TERB1: variants seen among roughly 807,000 people sequenced by gnomAD.
The protein encoded by TERB1 is telomere repeats-binding bouquet formation protein 1.
TERB1 carries 63 observed loss-of-function variants against 92.3 expected under a neutral mutation model. The ratio of observed to expected loss-of-function variants is 0.68; its 90% confidence interval spans 0.56 to 0.84. The LOEUF (loss-of-function observed/expected upper bound fraction) is 0.84, where lower values mean the gene tolerates loss of function less well. Ranked by LOEUF, TERB1 falls within the 40% of genes least tolerant of loss-of-function variation. The pLI is 0.00. For missense variants in TERB1, 709 were observed against 843.7 expected, an observed-to-expected ratio of 0.84 and a Z score of 1.98; for synonymous variants, 252 against 283.9, an observed-to-expected ratio of 0.89 and a Z score of 1.13.
chr16:66,755,540 T>C (rs1327934155), intron 18 of TERB1, among the ~76,000 whole-genome samples: 1 of 152,194 alleles, frequency 6.6e-6, no homozygotes, highest in Non-Finnish European at 1.5e-5. Context: ...TTTGGGAGGC[T>C]GAGGAAGGTG....
rs954232874 is a variant in TERB1 at position 66,786,410 on chromosome 16, CAT to C, written c.401-127_401-126del. The C allele has an allele frequency of 1.2e-4, 79 of 677,180 alleles. No individual in the cohort carries two copies. In the Admixed American group the frequency reaches 2.1e-3, roughly 18 times the overall value. The allele number at this position is 677,180 out of a possible 1,614,324, so 41.9% of individuals were successfully genotyped here. ...AACTTTAAAGTATTACAAAGTATAACATAGAATTACGGTGGATAAAAATCTGC... is the reference window on the plus strand; with the variant it reads ...AACTTTAAAGTATTACAAAGTATAACAGAATTACGGTGGATAAAAATCTGC... On this transcript the variant is annotated intron_variant, in intron 6 of 18. Transcript: ENST00000433154.
At chr16:66,762,342 A>G (rs2018265907) in intron 16 of TERB1, among the ~76,000 whole-genome samples, 1 of 152,138 alleles carries the variant, frequency 6.6e-6, no homozygotes, top group African/African-American at 2.4e-5. Context: ...TTCATCTGTA[A>G]ATACTTCACA....
rs2018421154 is a variant in TERB1 at position 66,770,155 on chromosome 16, T to G, written c.1427A>C (p.Lys476Thr). The G allele has an allele frequency of 6.4e-7, 1 of 1,552,378 alleles. No individual in the cohort carries two copies. The highest frequency in any genetic ancestry group is 8.7e-7 in the Non-Finnish European group (1 of 1,147,132). ...KSHSRQLQSY[K>T]SHGVMSKACT... is the part of the protein sequence containing the mutation. Reference sequence around the variant, plus strand: ...TGCTTTAGACATGACTCCATGGGACTTATAACTCTGTAACTGTCTAGAATG... The same window carrying G: ...TGCTTTAGACATGACTCCATGGGACGTATAACTCTGTAACTGTCTAGAATG... The change falls in exon 14 of 19, where the codon AAG becomes ACG. Residue 476 changes from lysine (K) to threonine (T), a missense_variant. Transcript: ENST00000433154.
Position 66,768,537 on chromosome 16 carries a change from C to A in TERB1, c.1620-369G>T, listed in dbSNP as rs187304673. Among the ~76,000 whole-genome samples, 111 of 152,244 alleles carry A rather than the reference C, an allele frequency of 7.3e-4. 2 individuals carry two copies. Among genetic ancestry groups the A allele is most frequent in the East Asian group, 3.9e-4 (2 of 5,182 alleles). On this transcript the variant is annotated intron_variant, in intron 14 of 18. Transcript: ENST00000433154. Reference sequence around the variant, plus strand: ...AGTGCTAACAACAATCATTTAAAGACCTGAATTTAAAAATCCTTCCTAACC... The same window carrying A: ...AGTGCTAACAACAATCATTTAAAGAACTGAATTTAAAAATCCTTCCTAACC...
chr16:66,778,267 AT>A (rs944192387), intron 10 of TERB1, among the ~76,000 whole-genome samples: 202 of 147,102 alleles, frequency 1.4e-3, no homozygotes, highest in Middle Eastern at 7.1e-3. Context: ...AAAATTTTAA[AT>A]TTTTTTTTTT....
At chr16:66,755,993 A>G (rs1159636970) in intron 18 of TERB1, among the ~76,000 whole-genome samples, 1 of 152,232 alleles carries the variant, frequency 6.6e-6, no homozygotes, top group African/African-American at 2.4e-5. Context: ...ACAATGAGGA[A>G]GGAAGTTTTT....
intron 3 of TERB1, 126 bp downstream of exon 3, chr16:66,796,642 A>G (rs531493848): frequency 4.5e-6 from 3 of 666,566 alleles, no homozygotes; most frequent in South Asian, 4.1e-5. Context: ...ACAGGCACAG[A>G]GTAGTGCTCA....
intron 18 of TERB1, among the ~76,000 whole-genome samples, chr16:66,757,152 A>T (rs2018151405): frequency 6.6e-6 from 1 of 152,158 alleles, no homozygotes; most frequent in African/African-American, 2.4e-5. Flanking sequence ...GAGATGTAAG[A>T]ATCACTACTT....
intron 2 of TERB1, among the ~76,000 whole-genome samples, chr16:66,798,631 A>G (rs1174251752): frequency 3.3e-5 from 5 of 152,242 alleles, no homozygotes; most frequent in Non-Finnish European, 4.4e-5. Flanking sequence ...AAAAGAGTAT[A>G]AGACTCAATT....
intron 12 of TERB1, among the ~76,000 whole-genome samples, chr16:66,774,161 G>A (rs188909152): frequency 5.6e-5 from 8 of 143,842 alleles, no homozygotes; most frequent in Non-Finnish European, 6.0e-5. Flanking sequence ...GATTACAGGC[G>A]TGAGCCACCA....
chr16:66,786,073 T>G lies in TERB1; in HGVS notation c.518A>C (p.Tyr173Ser). ...ACTACACACTGAAGACCACAACTGA[T>G]AACTCTGGAAAACATTTTTATCTGA... ...DLSDKNVFQSYQLWSSVCSTL... is the reference protein window; with the variant it reads ...DLSDKNVFQSSQLWSSVCSTL... The change falls in exon 8 of 19, where the codon TAT becomes TCT. Residue 173 changes from tyrosine (Y) to serine (S), a missense_variant. Coordinates refer to ENST00000433154, the MANE Select transcript of TERB1 (RefSeq NM_001136505.2). 6.4e-7 allele frequency: 1 copy of G among 1,551,802 alleles called. No individual in the cohort carries two copies.
chr16:66,778,567 G>A (rs976962251), intron 10 of TERB1, among the ~76,000 whole-genome samples: 4 of 152,012 alleles, frequency 2.6e-5, no homozygotes, highest in African/African-American at 4.8e-5. Flanking sequence ...ACAGGCACCC[G>A]CCACCACGTT....
rs1380339589 is a variant in TERB1, at chr16:66,801,568, C to G, written c.-210G>C. 1 of 152,242 alleles carries G rather than the reference C, an allele frequency of 6.6e-6. No individual in the cohort carries two copies. Among genetic ancestry groups the G allele is most frequent in the Non-Finnish European group, 1.5e-5 (1 of 68,072 alleles). The allele number at this position is 152,242 out of a possible 1,614,324, so 9.4% of individuals were successfully genotyped here. ...CTTCCGCCCTTTCTTCATCACCGCT[C>G]ACCTGCCACGACGCACGACAGGGTT... On this transcript the variant is annotated 5_prime_UTR_variant, in exon 1 of 19. Coordinates refer to ENST00000433154, the MANE Select transcript of TERB1 (RefSeq NM_001136505.2).
chr16:66,777,457 C>T (rs2145162764), intron 10 of TERB1, 123 bp from the exon 11 acceptor site: 1 of 513,934 alleles, frequency 1.9e-6, no homozygotes, highest in African/African-American at 1.9e-5. Context: ...ATTAAATATA[C>T]ACATATCATA....
chr16:66,788,046 G>T, intron 6 of TERB1, 123 bp downstream of exon 6: 2 of 727,610 alleles, frequency 2.7e-6, no homozygotes, highest in Non-Finnish European at 4.1e-6. Flanking sequence ...GGGTGTCAGA[G>T]CAAGACTCTG....
intron 3 of TERB1, among the ~76,000 whole-genome samples, chr16:66,793,898 T>G (rs1017725111): frequency 6.6e-6 from 1 of 152,144 alleles, no homozygotes; most frequent in South Asian, 2.1e-4. Context: ...AAAACCATAG[T>G]ACAAAGGTTA....
chr16:66,797,267 A>C, intron 2 of TERB1, among the ~76,000 whole-genome samples: 1 of 134,258 alleles, frequency 7.4e-6, no homozygotes, highest in South Asian at 2.3e-4. Flanking sequence ...GCAGGGTCTC[A>C]CTCTGACACC....
At chr16:66,769,788 G>GCCCATA in intron 14 of TERB1, among the ~76,000 whole-genome samples, 175 bp downstream of exon 14, 1 of 152,092 alleles carries the variant, frequency 6.6e-6, no homozygotes, top group East Asian at 1.9e-4. Context: ...AGATTAACTG[G>GCCCATA]CCCATACCTC....
At chr16:66,759,316 G>A in intron 16 of TERB1, 26 bp from the exon 17 acceptor site, 3 of 1,500,846 alleles carry the variant, frequency 2.0e-6, no homozygotes, top group Non-Finnish European at 2.7e-6. Context: ...TTAAAGTTAT[G>A]TGTAGATGTC....
Sources: gnomAD v4.1 joint callset for allele counts (sites outside exome capture counted in the v4.1 genomes callset) on GRCh38, gnomAD v4.1.1 for gene constraint, MANE v1.5 for transcripts, NCBI Gene and HGNC (gene_info 2026-07-23, HGNC 2026-07-21) for gene names.